The following SPOCK1 variants were observed in gnomAD, a reference collection of about 807,000 sequenced individuals.
SPOCK1 encodes SPARC (osteonectin), cwcv and kazal like domains proteoglycan 1, also known as testican-1.
A neutral mutation model predicts 55.3 loss-of-function variants in SPOCK1; 23 were observed. The observed-to-expected ratio is 0.42, with a 90% CI of 0.30 to 0.59. SPOCK1 has a LOEUF of 0.59. Ranked by LOEUF, SPOCK1 falls within the 20% of genes least tolerant of loss-of-function variation. The pLI is 0.22. For synonymous variants in SPOCK1, 226 were observed against 221.0 expected (o/e 1.02, Z -0.20); for missense variants, 499 against 552.5 (o/e 0.90, Z 0.97).
At chr5:137,285,069 C>G (rs1757237042) in intron 2 of SPOCK1, among the ~76,000 whole-genome samples, 1 of 152,236 alleles carries the variant, frequency 6.6e-6, no homozygotes, top group African/African-American at 2.4e-5. Context: ...TTGCCCCAGA[C>G]TAATGTGCCT....
intron 2 of SPOCK1, among the ~76,000 whole-genome samples, chr5:137,444,975 C>T (rs1477683702): frequency 6.6e-6 from 1 of 152,206 alleles, no homozygotes; most frequent in Non-Finnish European, 1.5e-5. Context: ...GGGTTAGGGG[C>T]TTGTCCCTAG....
chr5:136,992,809 T>G, intron 6 of SPOCK1: 1 of 462,546 alleles, frequency 2.2e-6, no homozygotes, highest in South Asian at 4.0e-5. Context: ...CAAGCAGCCT[T>G]TGTTCAGAAC....
chr5:137,243,006 T>C (rs1018921620), intron 3 of SPOCK1, among the ~76,000 whole-genome samples: 1 of 151,918 alleles, frequency 6.6e-6, no homozygotes, highest in Non-Finnish European at 1.5e-5. Flanking sequence ...TTTACTGTAC[T>C]TCTTTCTATT....
chr5:137,356,838 T>TATATAG (rs1554077335), intron 2 of SPOCK1, among the ~76,000 whole-genome samples: 1 of 5,460 alleles, frequency 1.8e-4, no homozygotes, highest in Non-Finnish European at 3.1e-4. Flanking sequence ...TATATATATA[T>TATATAG]AGAGAGAGAG....
chr5:137,008,295 T>TACACACACAC (rs141325417), intron 6 of SPOCK1, among the ~76,000 whole-genome samples: 15,840 of 138,156 alleles, frequency 0.11, 1,047 homozygotes, highest in Middle Eastern at 0.15. Flanking sequence ...TAATAATAAA[T>TACACACACAC]ACACACACAC....
intron 6 of SPOCK1, among the ~76,000 whole-genome samples, chr5:137,058,402 T>C (rs1277264117): frequency 2.6e-5 from 4 of 152,250 alleles, no homozygotes. Flanking sequence ...ATAAAGTGCT[T>C]AGCACAATTC....
intron 2 of SPOCK1, among the ~76,000 whole-genome samples, chr5:137,478,950 A>G (rs1187658260): frequency 1.3e-5 from 2 of 152,018 alleles, no homozygotes; most frequent in African/African-American, 4.8e-5. Flanking sequence ...AATCTCTACC[A>G]TTACTCCACA....
rs558843223 is a variant in SPOCK1, at chr5:137,154,093, C to T, written c.233-13399G>A. Among the ~76,000 whole-genome samples, 8 of 151,890 alleles carry T rather than the reference C, an allele frequency of 5.3e-5. No homozygotes were observed. In the South Asian group the frequency reaches 1.7e-3, roughly 32 times the overall value. On this transcript the variant is annotated intron_variant, in intron 3 of 10. Coordinates refer to ENST00000394945, the MANE Select transcript of SPOCK1 (RefSeq NM_004598.4). ...ATCTGAGGTTGGGAGTTCAAGACCA[C>T]CCTGACCAATATGGAGAAACCCCAT...
At chr5:137,129,053 T>C (rs2127043108) in intron 4 of SPOCK1, among the ~76,000 whole-genome samples, 1 of 152,266 alleles carries the variant, frequency 6.6e-6, no homozygotes, top group South Asian at 2.1e-4. Context: ...ATTCTATCAC[T>C]CTCCAACTGA....
intron 2 of SPOCK1, among the ~76,000 whole-genome samples, chr5:137,322,522 A>C (rs1757998514): frequency 6.6e-6 from 1 of 152,216 alleles, no homozygotes; most frequent in African/African-American, 2.4e-5. Flanking sequence ...AATACAAAAG[A>C]TGTAATTTGT....
chr5:137,455,456 C>A (rs1374228059), intron 2 of SPOCK1, among the ~76,000 whole-genome samples: 2 of 152,168 alleles, frequency 1.3e-5, no homozygotes, highest in Non-Finnish European at 2.9e-5. Flanking sequence ...AGACAGGGCC[C>A]AGGCTGGCCT....
At chr5:136,995,562 G>A (rs188043286) in intron 6 of SPOCK1, among the ~76,000 whole-genome samples, 153 of 152,284 alleles carry the variant, frequency 1.0e-3, no homozygotes, top group Admixed American at 2.4e-3. Context: ...ATTTGAAAAT[G>A]GGAAACTAAT....
chr5:137,285,352 G>C (rs963323701), intron 2 of SPOCK1, among the ~76,000 whole-genome samples: 3 of 152,160 alleles, frequency 2.0e-5, no homozygotes, highest in African/African-American at 7.2e-5. Context: ...TTGTCTCTCT[G>C]CTCTTTAGAG....
chr5:137,220,063 A>C (rs962585935), intron 3 of SPOCK1, among the ~76,000 whole-genome samples: 1 of 152,142 alleles, frequency 6.6e-6, no homozygotes, highest in Non-Finnish European at 1.5e-5. Context: ...CATGCCCTCC[A>C]TCTAGTGGGG....
intron 2 of SPOCK1, among the ~76,000 whole-genome samples, chr5:137,302,516 G>C: frequency 6.6e-6 from 1 of 151,804 alleles, no homozygotes; most frequent in Non-Finnish European, 1.5e-5. Context: ...GGCAGAGCTT[G>C]CAGTGAGGGG....
At chr5:137,404,615 T>A (rs146445040) in intron 2 of SPOCK1, among the ~76,000 whole-genome samples, 5,093 of 151,148 alleles carry the variant, frequency 0.034, 119 homozygotes, top group Non-Finnish European at 0.05. Context: ...AGATGGGGTT[T>A]CACTATGCTG....
intron 2 of SPOCK1, among the ~76,000 whole-genome samples, chr5:137,347,910 T>G (rs188620833): frequency 5.3e-4 from 81 of 152,346 alleles, no homozygotes; most frequent in Non-Finnish European, 8.8e-4. Flanking sequence ...TGAATATGTA[T>G]GTCCTCTTGT....
At chr5:136,979,684 G>T (rs778444361) in intron 9 of SPOCK1, among the ~76,000 whole-genome samples, 2 of 152,106 alleles carry the variant, frequency 1.3e-5, no homozygotes, top group Non-Finnish European at 2.9e-5. Context: ...GTGTTTAAAC[G>T]GGAATGATAA....
chr5:137,112,185 G>C (rs1164840937), intron 5 of SPOCK1, among the ~76,000 whole-genome samples: 2 of 152,090 alleles, frequency 1.3e-5, no homozygotes, highest in Non-Finnish European at 2.9e-5. Context: ...TTAACTTCAG[G>C]ATCACATGCC....
Sources: allele counts gnomAD v4.1 joint callset (sites outside exome capture counted in the v4.1 genomes callset), GRCh38; gene constraint gnomAD v4.1.1; transcripts MANE v1.5; gene names NCBI Gene and HGNC (gene_info 2026-07-23, HGNC 2026-07-21).